Variants in CHRM3 observed in about 807,000 individuals in gnomAD.
CHRM3 encodes the protein cholinergic receptor muscarinic 3, also known as muscarinic acetylcholine receptor M3.
CHRM3 carries 11 observed loss-of-function variants against 41.8 expected under a neutral mutation model. The observed-to-expected ratio is 0.26, with a 90% CI of 0.17 to 0.44. CHRM3 has a LOEUF of 0.44. CHRM3 is among the 20% of genes least tolerant of loss of function. The probability of loss-of-function intolerance (pLI) is 1.00; values close to 1 mark genes in which losing one functional copy is unlikely to be tolerated. For synonymous variants in CHRM3, 297 were observed against 301.4 expected, an observed-to-expected ratio of 0.99 and a Z score of 0.15; for missense variants, 571 against 745.4, an observed-to-expected ratio of 0.77 and a Z score of 2.72.
chr1:239,890,046 G>A (rs1052106332), intron 6 of CHRM3, among the ~76,000 whole-genome samples: 9 of 152,174 alleles, frequency 5.9e-5, no homozygotes, highest in African/African-American at 2.2e-4. Flanking sequence ...CAGGCATGGT[G>A]GCTCACGCCT....
chr1:239,408,012 T>G (rs1469787916), intron 1 of CHRM3, among the ~76,000 whole-genome samples: 1 of 152,132 alleles, frequency 6.6e-6, no homozygotes, highest in Non-Finnish European at 1.5e-5. Context: ...TGCCTGTGTC[T>G]CCACTCAAAT....
intron 3 of CHRM3, among the ~76,000 whole-genome samples, chr1:239,619,861 G>T (rs1427764997): frequency 6.6e-6 from 1 of 152,064 alleles, no homozygotes; most frequent in African/African-American, 2.4e-5. Context: ...GAGAGGCTGA[G>T]ATTCATGGAC....
intron 2 of CHRM3, among the ~76,000 whole-genome samples, chr1:239,528,986 T>G (rs568230656): frequency 1.4e-4 from 21 of 152,342 alleles, no homozygotes; most frequent in African/African-American, 4.1e-4. Context: ...ATGTGGATAT[T>G]CTTCTCATTC....
At chr1:239,884,089 A>T (rs1046033205) in intron 6 of CHRM3, among the ~76,000 whole-genome samples, 4 of 152,236 alleles carry the variant, frequency 2.6e-5, no homozygotes, top group African/African-American at 9.6e-5. Flanking sequence ...TGCTGACTAT[A>T]GTGGGTTGAA....
In CHRM3 at chr1:239,662,893, C is replaced by CTCCTCTTCTTCTTCTTCTTCT. The variant is rs377732277; in HGVS notation, c.-249-15291_-249-15290insCTCTTCTTCTTCTTCTTCTTC. 8.6e-4 allele frequency among the ~76,000 whole-genome samples: 40 copies of CTCCTCTTCTTCTTCTTCTTCT among 46,372 alleles called. 1 individual carries two copies. Among genetic ancestry groups the CTCCTCTTCTTCTTCTTCTTCT allele is most frequent in the South Asian group, 3.4e-3 (5 of 1,474 alleles). 30.4% of individuals were successfully genotyped at this position (46,372 alleles called of 152,430 possible). On this transcript the variant is annotated intron_variant, in intron 4 of 6. Transcript: ENST00000676153. ...TCTCCTCTTTCTCCTCTTCCTCCTC[C>CTCCTCTTCTTCTTCTTCTTCT]TCTTCTTCTTCTTCTTCTTCTTCTT...
intron 1 of CHRM3, among the ~76,000 whole-genome samples, chr1:239,417,579 G>GTTTTTTTTTTTTTTTT (rs34926014): frequency 8.2e-6 from 1 of 122,666 alleles, no homozygotes; most frequent in Non-Finnish European, 1.7e-5. Context: ...AGATTAATTT[G>GTTTTTTTTTTTTTTTT]TTTTTTTTTT....
chr1:239,747,723 A>G (rs1047264213), intron 5 of CHRM3, among the ~76,000 whole-genome samples: 4 of 152,220 alleles, frequency 2.6e-5, no homozygotes, highest in African/African-American at 9.6e-5. Flanking sequence ...AATAATGCTT[A>G]TAATCTATTA....
chr1:239,728,587 A>G (rs1663662394), intron 5 of CHRM3, among the ~76,000 whole-genome samples: 1 of 152,034 alleles, frequency 6.6e-6, no homozygotes, highest in African/African-American at 2.4e-5. Context: ...ATAACAATTG[A>G]CAAGTCTCTA....
Position 239,643,155 on chromosome 1 carries a change from T to G in CHRM3, c.-250+10869T>G, listed in dbSNP as rs561628353. 1.1e-4 allele frequency among the ~76,000 whole-genome samples: 17 copies of G among 152,226 alleles called. No homozygotes were observed. The South Asian group carries it at 3.5e-3, about 32-fold the overall frequency. The stretch of plus-strand genomic sequence containing the variant: ...TGTCTCAGAGGAGTACCTGGCAGTG[T>G]GAGGTGTCAGTCTGCCCCTACTGGG... On this transcript the variant is annotated intron_variant, in intron 4 of 6. Transcript: ENST00000676153.
chr1:239,417,445 G>C (rs1661577412), intron 1 of CHRM3, among the ~76,000 whole-genome samples: 1 of 152,132 alleles, frequency 6.6e-6, no homozygotes, highest in Admixed American at 6.6e-5. Flanking sequence ...TGTCATAGAA[G>C]CTGAGGAACG....
chr1:239,689,211 A>G (rs1318566145), intron 5 of CHRM3, among the ~76,000 whole-genome samples: 1 of 152,030 alleles, frequency 6.6e-6, no homozygotes, highest in Non-Finnish European at 1.5e-5. Flanking sequence ...TTTTAATGTT[A>G]ATAATCACTA....
In CHRM3 at chr1:239,907,980, C is replaced by G. The variant is rs1680104037; in HGVS notation, c.529C>G (p.Arg177Gly). 6.2e-7 allele frequency: 1 copy of G among 1,614,046 alleles called. No homozygotes were observed. Among genetic ancestry groups the G allele is most frequent in the Admixed American group, 1.7e-5 (1 of 59,992 alleles). Residue 177 changes from arginine to glycine, a missense_variant, in exon 7 of 7, where the codon CGA becomes GGA. Around this residue, in one of 5 missense-constraint regions of CHRM3, gnomAD observed 153 missense variants for 296.3 expected, o/e 0.52. Coordinates refer to ENST00000676153, the MANE Select transcript of CHRM3 (RefSeq NM_001375978.1). The surrounding 1 kb of genome is among the most constrained non-coding windows in gnomAD (Gnocchi z 5.4). ...TTCCATCACGAGGCCGCTCACGTACCGAGCCAAACGAACAACAAAGAGAGC... is the reference window on the plus strand; with the variant it reads ...TTCCATCACGAGGCCGCTCACGTACGGAGCCAAACGAACAACAAAGAGAGC... ...YFSITRPLTY[R>G]AKRTTKRAGV...
chr1:239,882,406 T>A (rs1572583217), intron 6 of CHRM3, among the ~76,000 whole-genome samples: 1 of 152,202 alleles, frequency 6.6e-6, no homozygotes, highest in African/African-American at 2.4e-5. Context: ...TCATATTGAG[T>A]CCTTCCCATG....
chr1:239,874,691 G>A (rs1175936697), intron 6 of CHRM3, among the ~76,000 whole-genome samples: 1 of 151,522 alleles, frequency 6.6e-6, no homozygotes, highest in Non-Finnish European at 1.5e-5. Flanking sequence ...GGGGTTTTTG[G>A]CATTACTTTT....
At chr1:239,636,504 A>G (rs200964069) in intron 4 of CHRM3, among the ~76,000 whole-genome samples, 7 of 152,342 alleles carry the variant, frequency 4.6e-5, no homozygotes, top group East Asian at 3.9e-4. Context: ...TTATCTGTCA[A>G]TTAAATGATA....
chr1:239,404,410 A>AAGAGAAAGAAAGAAAGAAGGAAAG (rs1210507333), intron 1 of CHRM3, among the ~76,000 whole-genome samples: 7 of 51,766 alleles, frequency 1.4e-4, no homozygotes, highest in African/African-American at 4.5e-4. Flanking sequence ...GAAAGAAAGA[A>AAGAGAAAGAAAGAAAGAAGGAAAG]AAAGAAAGAA....
chr1:239,636,947 A>G (rs1161277415), intron 4 of CHRM3, among the ~76,000 whole-genome samples: 2 of 152,184 alleles, frequency 1.3e-5, no homozygotes, highest in African/African-American at 4.8e-5. Flanking sequence ...CAATATTTGG[A>G]TGGCACATTG....
chr1:239,440,958 T>C (rs189774972), intron 1 of CHRM3, among the ~76,000 whole-genome samples: 1 of 152,344 alleles, frequency 6.6e-6, no homozygotes, highest in Admixed American at 6.5e-5. Flanking sequence ...AGGCAGACAT[T>C]ACTCTGGGTG....
chr1:239,453,930 C>T lies in CHRM3; in HGVS notation c.-520-38779C>T, dbSNP rs145168580. 6.1e-3 allele frequency among the ~76,000 whole-genome samples: 928 copies of T among 152,212 alleles called. 28 individuals carry two copies. Among genetic ancestry groups the T allele is most frequent in the Admixed American group, 0.049 (743 of 15,290 alleles). On this transcript the variant is annotated intron_variant, in intron 1 of 6. Coordinates refer to ENST00000676153, the MANE Select transcript of CHRM3 (RefSeq NM_001375978.1). Reference sequence around the variant, plus strand: ...AGGATGGGAGAGCCTCAGACCGCAGCACAGTTAGGAGAAAGTCTTAGCCAG... The same window carrying T: ...AGGATGGGAGAGCCTCAGACCGCAGTACAGTTAGGAGAAAGTCTTAGCCAG...
Sources: allele counts gnomAD v4.1 joint callset (sites outside exome capture counted in the v4.1 genomes callset), GRCh38; gene constraint gnomAD v4.1.1; regional missense constraint gnomAD v4.1.1; non-coding constraint Gnocchi (gnomAD v3.1); transcripts MANE v1.5; gene names NCBI Gene and HGNC (gene_info 2026-07-23, HGNC 2026-07-21).